DYRK2: variants seen among roughly 807,000 people sequenced by gnomAD.
The protein encoded by DYRK2 is dual specificity tyrosine phosphorylation regulated kinase 2, also known as dual specificity tyrosine-phosphorylation-regulated kinase 2.
DYRK2 carries 12 observed loss-of-function variants against 41.6 expected under a neutral mutation model. The ratio of observed to expected loss-of-function variants is 0.29; its 90% CI spans 0.18 to 0.47. DYRK2 has a LOEUF of 0.47. Among genes scored for constraint, DYRK2 ranks in the 20% least tolerant of loss-of-function variants. The pLI, the probability that DYRK2 is intolerant of heterozygous loss-of-function variation, is 1.00. For synonymous variants in DYRK2, 322 were observed against 315.7 expected, an observed-to-expected ratio of 1.02 and a Z score of -0.21; for missense variants, 678 against 798.4, an observed-to-expected ratio of 0.85 and a Z score of 1.82.
rs955628835 is a variant in DYRK2 at position 67,657,033 on chromosome 12, G to C, written c.199-73G>C. The C allele has an allele frequency of 2.1e-6, 3 of 1,436,764 alleles. No individual in the cohort carries two copies. Among genetic ancestry groups the C allele is most frequent in the Admixed American group, 5.2e-5 (2 of 38,160 alleles). 89.0% of individuals were successfully genotyped at this position (1,436,764 alleles called of 1,614,324 possible). A position where few individuals can be genotyped will look rare whatever the true frequency, so the allele number is the denominator to read the frequency against. ...ATGTGAGGTTGGGGGCGGTGGTGTTGTTGGGGGTTACTTATACACCATTTG... is the reference window on the plus strand; with the variant it reads ...ATGTGAGGTTGGGGGCGGTGGTGTTCTTGGGGGTTACTTATACACCATTTG... On this transcript the variant is annotated intron_variant, in intron 2 of 2. Coordinates refer to ENST00000344096, the MANE Select transcript of DYRK2 (RefSeq NM_006482.3). The surrounding 1 kb of genome is among the most constrained non-coding windows in gnomAD (Gnocchi z 4.8).
rs574405193 is a variant in DYRK2 at position 67,649,200 on chromosome 12, C to G, written c.49+18C>G. 443 of 1,489,276 alleles carry G rather than the reference C, an allele frequency of 3.0e-4. 6 individuals are homozygous for G. In the South Asian group the frequency reaches 5.3e-3, roughly 18 times the overall value. 92.3% of individuals were successfully genotyped at this position (1,489,276 alleles called of 1,614,324 possible). A position where few individuals can be genotyped will look rare whatever the true frequency, so the allele number is the denominator to read the frequency against. Reference sequence around the variant, plus strand: ...CCCGACCGGTAAGGAGGCCGTGCCGCCGCGCCGCATCCCCGGACCCCCGCC... The same window carrying G: ...CCCGACCGGTAAGGAGGCCGTGCCGGCGCGCCGCATCCCCGGACCCCCGCC... On this transcript the variant is annotated intron_variant, in intron 1 of 2. Transcript: ENST00000344096.
In DYRK2 at chr12:67,659,395, A is replaced by G. The variant is rs577676225; in HGVS notation, c.*682A>G. On this transcript the variant is annotated 3_prime_UTR_variant, in exon 3 of 3. Coordinates refer to ENST00000344096, the MANE Select transcript of DYRK2 (RefSeq NM_006482.3). ...ACGTGTGTGTTCCTCCAAATTTTCT[A>G]GTATGATCGGTGAGCTGTTTTGTAA... 2 of 167,250 alleles carry G rather than the reference A, an allele frequency of 1.2e-5. No individual in the cohort carries two copies. The highest frequency in any genetic ancestry group is 2.1e-4 in the South Asian group (1 of 4,824). The allele number at this position is 167,250 out of a possible 1,614,324, so 10.4% of individuals were successfully genotyped here.
Position 67,658,108 on chromosome 12 carries a change from A to C in DYRK2, c.1201A>C (p.Met401Leu). 1.2e-6 allele frequency: 2 copies of C among 1,614,218 alleles called. No homozygotes were observed. Among genetic ancestry groups the C allele is most frequent in the Non-Finnish European group, 1.7e-6 (2 of 1,180,044 alleles). The stretch of plus-strand genomic sequence containing the variant: ...AGTGATCCTTGGGGCCAGGTATGGC[A>C]TGCCCATTGATATGTGGAGCCTGGG... The part of the protein sequence containing the change: ...PEVILGARYG[M>L]PIDMWSLGCI... The change falls in exon 3 of 3, where the codon ATG becomes CTG. Residue 401 changes from methionine to leucine, a missense_variant. By Grantham distance (15) the Met-to-Leu change is conservative. Transcript: ENST00000344096. This position sits in a 1 kb window ranked among gnomAD's most constrained non-coding sequence, Gnocchi z 4.3.
At chr12:67,649,689 GTCTT>G (rs2120804033) in intron 1 of DYRK2, 104 bp from the exon 2 acceptor site, 1 of 1,194,118 alleles carries the variant, frequency 8.4e-7, no homozygotes, top group Non-Finnish European at 1.1e-6. Flanking sequence ...CTCTTCCTCC[GTCTT>G]TCTTTGGAAG....
chr12:67,650,078 T>A (rs1390878552), intron 2 of DYRK2, 133 bp downstream of exon 2: 2 of 1,003,368 alleles, frequency 2.0e-6, no homozygotes. Context: ...CTCGGGCCGA[T>A]GGTCTCTCGT....
rs1210861420 is a variant in DYRK2 at position 67,657,073 on chromosome 12, C to A, written c.199-33C>A. 9.2e-6 allele frequency: 14 copies of A among 1,525,952 alleles called. No individual in the cohort carries two copies. The highest frequency in any genetic ancestry group is 1.2e-5 in the Non-Finnish European group (14 of 1,136,482). 94.5% of individuals were successfully genotyped at this position (1,525,952 alleles called of 1,614,324 possible). A position where few individuals can be genotyped will look rare whatever the true frequency, so the allele number is the denominator to read the frequency against. Reference sequence around the variant, plus strand: ...TACACCATTTGAACAGACACCACTTCTTTTCTATTTATATTTCCTGTCTGA... The same window carrying A: ...TACACCATTTGAACAGACACCACTTATTTTCTATTTATATTTCCTGTCTGA... On this transcript the variant is annotated intron_variant, in intron 2 of 2. Coordinates refer to ENST00000344096, the MANE Select transcript of DYRK2 (RefSeq NM_006482.3). This position sits in a 1 kb window ranked among gnomAD's most constrained non-coding sequence, Gnocchi z 4.8.
Position 67,658,726 on chromosome 12 carries a change from T to A in DYRK2, c.*13T>A, listed in dbSNP as rs775950698. On this transcript the variant is annotated 3_prime_UTR_variant, in exon 3 of 3. Coordinates refer to ENST00000344096, the MANE Select transcript of DYRK2 (RefSeq NM_006482.3). The surrounding 1 kb of genome is among the most constrained non-coding windows in gnomAD (Gnocchi z 4.3). ...ACTTGTTAGCTGAGCTCACGTCCCC[T>A]GATGCTGGTAACCTGAAAGATACGA... 6.3e-7 allele frequency: 1 copy of A among 1,583,968 alleles called. No homozygotes were observed. Among genetic ancestry groups the A allele is most frequent in the Admixed American group, 1.8e-5 (1 of 56,830 alleles).
chr12:67,653,337 T>C (rs1195129563), intron 2 of DYRK2, among the ~76,000 whole-genome samples: 1 of 152,344 alleles, frequency 6.6e-6, no homozygotes, highest in African/African-American at 2.4e-5. Context: ...CCCCATTTTT[T>C]ATAAGTCAGT....
intron 2 of DYRK2, 69 bp downstream of exon 2, chr12:67,650,014 T>C (rs1184829733): frequency 7.9e-7 from 1 of 1,271,038 alleles, no homozygotes; most frequent in African/African-American, 1.6e-5. Context: ...GCACCCGGAC[T>C]TGGAGGGGTC....
chr12:67,652,783 A>C (rs1163643603), intron 2 of DYRK2: 3 of 152,132 alleles, frequency 2.0e-5, no homozygotes, highest in Non-Finnish European at 4.4e-5. Context: ...CGAACCCATA[A>C]ATTGTAGCTA....
chr12:67,657,570 G>T lies in DYRK2; in HGVS notation c.663G>T (p.Arg221Ser). 6.2e-7 allele frequency: 1 copy of T among 1,614,116 alleles called. No homozygotes were observed. The change falls in exon 3 of 3, where the codon AGG becomes AGT. Residue 221 changes from arginine to serine, a missense_variant. Physicochemically the swap from Arg to Ser is moderately radical, Grantham distance 110. Coordinates refer to ENST00000344096, the MANE Select transcript of DYRK2 (RefSeq NM_006482.3). This position sits in a 1 kb window ranked among gnomAD's most constrained non-coding sequence, Gnocchi z 4.8. Reference protein sequence around the residue: ...VQVPHDHVAYRYEVLKVIGKG... With the variant: ...VQVPHDHVAYSYEVLKVIGKG... ...TGCCCCACGATCACGTGGCTTACAGGTATGAGGTCCTCAAGGTCATTGGGA... is the reference window on the plus strand; with the variant it reads ...TGCCCCACGATCACGTGGCTTACAGTTATGAGGTCCTCAAGGTCATTGGGA...
At position 67,658,875 on chromosome 12, in the gene DYRK2, T is replaced by G. The variant is rs1343163599; in HGVS notation, c.*162T>G. 4.9e-6 allele frequency: 4 copies of G among 823,972 alleles called. No individual in the cohort carries two copies. Among genetic ancestry groups the G allele is most frequent in the Non-Finnish European group, 7.2e-6 (4 of 557,212 alleles). The allele number at this position is 823,972 out of a possible 1,614,324, so 51.0% of individuals were successfully genotyped here. A position where few individuals can be genotyped will look rare whatever the true frequency, so the allele number is the denominator to read the frequency against. On this transcript the variant is annotated 3_prime_UTR_variant, in exon 3 of 3. Transcript: ENST00000344096. This position sits in a 1 kb window ranked among gnomAD's most constrained non-coding sequence, Gnocchi z 4.3. ...ATGTAAGAAAGTTGTTCATTTTGTTTTTATAAAATACATGAGGACAATGCT... is the reference window on the plus strand; with the variant it reads ...ATGTAAGAAAGTTGTTCATTTTGTTGTTATAAAATACATGAGGACAATGCT...
In DYRK2 at chr12:67,659,078, TC is replaced by T; in HGVS notation, c.*369del. Reference sequence around the variant, plus strand: ...TGTTTTTATGGTTCATGTTATATCCTCCCCAGGGTGACAGCCCCTTAAGGCC... The same window carrying T: ...TGTTTTTATGGTTCATGTTATATCCTCCCAGGGTGACAGCCCCTTAAGGCC... On this transcript the variant is annotated 3_prime_UTR_variant, in exon 3 of 3. Transcript: ENST00000344096. 5.5e-6 allele frequency: 1 copy of T among 181,716 alleles called. No individual in the cohort carries two copies. The highest frequency in any genetic ancestry group is 1.3e-5 in the Non-Finnish European group (1 of 78,394). 11.3% of individuals were successfully genotyped at this position (181,716 alleles called of 1,614,324 possible). A position where few individuals can be genotyped will look rare whatever the true frequency, so the allele number is the denominator to read the frequency against.
intron 2 of DYRK2, among the ~76,000 whole-genome samples, chr12:67,652,868 T>C (rs376063698): frequency 1.3e-5 from 2 of 152,322 alleles, no homozygotes; most frequent in African/African-American, 4.8e-5. Flanking sequence ...CTCACTCTGT[T>C]GCCCAGGCTG....
Position 67,657,437 on chromosome 12 carries a change from G to C in DYRK2, c.530G>C (p.Ser177Thr). The C allele has an allele frequency of 1.2e-6, 2 of 1,614,156 alleles. No individual in the cohort carries two copies. The highest frequency in any genetic ancestry group is 1.7e-6 in the Non-Finnish European group (2 of 1,180,022). ...LTAFEHHEIF[S>T]YPEIYFLGLN... is the part of the protein sequence containing the mutation. ...GCCTTCGAACACCATGAGATTTTCAGCTACCCTGAAATATATTTCTTGGGT... is the reference window on the plus strand; with the variant it reads ...GCCTTCGAACACCATGAGATTTTCACCTACCCTGAAATATATTTCTTGGGT... The change falls in exon 3 of 3, where the codon AGC (serine) becomes ACC (threonine). Residue 177 changes from serine (S) to threonine (T), a missense_variant. Around this residue, in one of 2 missense-constraint regions of DYRK2, gnomAD observed 285 missense variants for 279.2 expected, o/e 1.02. Coordinates refer to ENST00000344096, the MANE Select transcript of DYRK2 (RefSeq NM_006482.3). The surrounding 1 kb of genome is among the most constrained non-coding windows in gnomAD (Gnocchi z 4.8).
At chr12:67,653,013 A>G (rs1872367075) in intron 2 of DYRK2, among the ~76,000 whole-genome samples, 1 of 151,310 alleles carries the variant, frequency 6.6e-6, no homozygotes, top group Non-Finnish European at 1.5e-5. Context: ...TATTTTTAGT[A>G]GAGATGGGGT....
In DYRK2 at chr12:67,662,150, T is replaced by A. The variant is rs1310716560; in HGVS notation, c.*3437T>A. 1 of 166,826 alleles carries A rather than the reference T, an allele frequency of 6.0e-6. No homozygotes were observed. The highest frequency in any genetic ancestry group is 1.5e-5 in the Non-Finnish European group (1 of 68,078). 10.3% of individuals were successfully genotyped at this position (166,826 alleles called of 1,614,324 possible). ...TTTGTAATTTTTTTCATCAAAAATA[T>A]TTCTGGTAAGCAGAAGACTTTTTAA... is the stretch of plus-strand genomic sequence containing the variant. On this transcript the variant is annotated 3_prime_UTR_variant, in exon 3 of 3. Coordinates refer to ENST00000344096, the MANE Select transcript of DYRK2 (RefSeq NM_006482.3).
At chr12:67,656,031 T>C (rs1328625971) in intron 2 of DYRK2, among the ~76,000 whole-genome samples, 1 of 152,222 alleles carries the variant, frequency 6.6e-6, no homozygotes, top group East Asian at 1.9e-4. Context: ...GATGACAAGG[T>C]GGTGTAAGAT....
In DYRK2 at chr12:67,663,841, T is replaced by A. The variant is rs1217036548; in HGVS notation, c.*5128T>A. On this transcript the variant is annotated 3_prime_UTR_variant, in exon 3 of 3. Coordinates refer to ENST00000344096, the MANE Select transcript of DYRK2 (RefSeq NM_006482.3). ...TGAGTCTCTACAGTCCTATCCCTTT[T>A]GGAATGAACAGCTACACAAATAAAT... 1 of 152,196 alleles carries A rather than the reference T, an allele frequency of 6.6e-6. No individual in the cohort carries two copies. Among genetic ancestry groups the A allele is most frequent in the Non-Finnish European group, 1.5e-5 (1 of 68,010 alleles). The allele number at this position is 152,196 out of a possible 1,614,324, so 9.4% of individuals were successfully genotyped here.
Sources: gnomAD v4.1 joint callset for allele counts (sites outside exome capture counted in the v4.1 genomes callset) on GRCh38, gnomAD v4.1.1 for gene constraint, gnomAD v4.1.1 regional missense constraint, Gnocchi (gnomAD v3.1) non-coding constraint, MANE v1.5 for transcripts, NCBI Gene and HGNC (gene_info 2026-07-23, HGNC 2026-07-21) for gene names.